The following CSGALNACT1 variants were observed in gnomAD, a reference collection of about 807,000 sequenced individuals.
The protein encoded by CSGALNACT1 is beta4GalNAcT-1.
In CSGALNACT1, 52 loss-of-function variants were observed where a neutral mutation model predicts 51.0. The observed-to-expected ratio is 1.02, with a 90% CI of 0.82 to 1.29. CSGALNACT1 has a LOEUF of 1.29. Ranked by LOEUF, CSGALNACT1 falls within the 50% of genes most tolerant of loss-of-function variation. The probability of loss-of-function intolerance (pLI) is 0.00; values close to 1 mark genes in which losing one functional copy is unlikely to be tolerated. For missense variants in CSGALNACT1, 935 were observed against 679.2 expected, an observed-to-expected ratio of 1.38 and a Z score of -4.19; for synonymous variants, 341 against 254.4, an observed-to-expected ratio of 1.34 and a Z score of -3.24.
intron 8 of CSGALNACT1, among the ~76,000 whole-genome samples, chr8:19,417,869 T>C (rs1400034188): frequency 3.3e-5 from 5 of 152,284 alleles, no homozygotes; most frequent in African/African-American, 4.8e-5. Flanking sequence ...ATTCCATCCA[T>C]GGGGGCCATG....
intron 4 of CSGALNACT1, among the ~76,000 whole-genome samples, chr8:19,491,982 G>T (rs1254032377): frequency 6.6e-6 from 1 of 152,198 alleles, no homozygotes; most frequent in Non-Finnish European, 1.5e-5. Flanking sequence ...GAAGGCCAAA[G>T]TACACTCTGT....
intron 4 of CSGALNACT1, among the ~76,000 whole-genome samples, chr8:19,477,151 G>C (rs983178507): frequency 2.0e-5 from 3 of 152,328 alleles, no homozygotes; most frequent in South Asian, 4.1e-4. Context: ...ATGCTATGCT[G>C]TCCATCAAGA....
chr8:19,552,943 C>T (rs941117612), intron 3 of CSGALNACT1, among the ~76,000 whole-genome samples: 1 of 152,120 alleles, frequency 6.6e-6, no homozygotes, highest in Admixed American at 6.6e-5. Flanking sequence ...GCAGGGAAGA[C>T]TGTGCTCAGG....
At chr8:19,646,729 T>A (rs1453782192) in intron 1 of CSGALNACT1, among the ~76,000 whole-genome samples, 1 of 152,142 alleles carries the variant, frequency 6.6e-6, no homozygotes, top group African/African-American at 2.4e-5. Flanking sequence ...AAGGGGTCTA[T>A]AAATATCCAT....
chr8:19,525,499 C>T (rs540391817), intron 3 of CSGALNACT1, among the ~76,000 whole-genome samples: 3 of 151,280 alleles, frequency 2.0e-5, no homozygotes, highest in East Asian at 1.9e-4. Flanking sequence ...TGTCTATAGT[C>T]CCTGCTACTC....
chr8:19,683,101 A>C, upstream of CSGALNACT1: 1 of 222,336 alleles, frequency 4.5e-6, no homozygotes, highest in Non-Finnish European at 9.2e-6. Flanking sequence ...ATCACAGGAC[A>C]TAATGGAATG....
chr8:19,468,766 G>C (rs928459277), intron 4 of CSGALNACT1, among the ~76,000 whole-genome samples: 26 of 152,134 alleles, frequency 1.7e-4, no homozygotes, highest in African/African-American at 5.8e-4. Flanking sequence ...GATTTGAAGA[G>C]GTGTATGAGT....
chr8:19,442,657 C>G (rs1424039908), intron 5 of CSGALNACT1, among the ~76,000 whole-genome samples: 2 of 148,218 alleles, frequency 1.3e-5, no homozygotes, highest in Admixed American at 1.4e-4. Flanking sequence ...CAACATGGCA[C>G]ATGTATACAT....
intron 1 of CSGALNACT1, among the ~76,000 whole-genome samples, chr8:19,630,360 AC>A (rs1031873655): frequency 2.0e-5 from 3 of 152,162 alleles, no homozygotes; most frequent in Non-Finnish European, 4.4e-5. Context: ...TTTTAGACTT[AC>A]AGGAGAAGTG....
At position 19,593,547 on chromosome 8, in the gene CSGALNACT1, G is replaced by C. The variant is rs191555757; in HGVS notation, c.-415-2269C>G. On this transcript the variant is annotated intron_variant, in intron 2 of 9. Coordinates refer to ENST00000454498, the Ensembl canonical transcript of CSGALNACT1. ...CTAGGGCCATCTGCAGGTTCTAGATGACCCTTTGCATGCTGGGAAGCCCCA... is the reference window on the plus strand; with the variant it reads ...CTAGGGCCATCTGCAGGTTCTAGATCACCCTTTGCATGCTGGGAAGCCCCA... Among the ~76,000 whole-genome samples, 507 of 152,254 alleles carry C rather than the reference G, an allele frequency of 3.3e-3. 6 individuals are homozygous for C. The highest frequency in any genetic ancestry group is 5.2e-3 in the Non-Finnish European group (356 of 68,022).
intron 3 of CSGALNACT1, among the ~76,000 whole-genome samples, chr8:19,512,168 C>T (rs1363299317): frequency 6.6e-6 from 1 of 152,176 alleles, no homozygotes; most frequent in Non-Finnish European, 1.5e-5. Flanking sequence ...GCCCTCTCTC[C>T]CAAGCAAGCT....
chr8:19,715,771 G>A (rs1380886150), intron 1 of CSGALNACT1, among the ~76,000 whole-genome samples: 3 of 152,074 alleles, frequency 2.0e-5, no homozygotes, highest in Admixed American at 1.3e-4. Flanking sequence ...AAGGGTTTGA[G>A]TTGATCTAAC....
intron 1 of CSGALNACT1, among the ~76,000 whole-genome samples, chr8:19,742,269 T>G (rs536712567): frequency 6.6e-6 from 1 of 152,322 alleles, no homozygotes; most frequent in Admixed American, 6.5e-5. Flanking sequence ...TGGCAGCTGG[T>G]CTAACCCAGA....
chr8:19,730,065 A>C (rs2063606886), intron 1 of CSGALNACT1, among the ~76,000 whole-genome samples: 1 of 152,196 alleles, frequency 6.6e-6, no homozygotes, highest in Non-Finnish European at 1.5e-5. Flanking sequence ...AGACCTTTAC[A>C]ATCTTACTGA....
intron 3 of CSGALNACT1, among the ~76,000 whole-genome samples, chr8:19,520,679 TA>T (rs1164518215): frequency 6.6e-6 from 1 of 152,376 alleles, no homozygotes; most frequent in East Asian, 1.9e-4. Flanking sequence ...ATTCCACTAA[TA>T]TGTTCCCTCT....
At chr8:19,412,434 T>C (rs2055999596) in intron 8 of CSGALNACT1, among the ~76,000 whole-genome samples, 1 of 152,232 alleles carries the variant, frequency 6.6e-6, no homozygotes, top group South Asian at 2.1e-4. Context: ...GCTGGGGCCG[T>C]GGTCAGTGCC....
At chr8:19,592,303 A>T (rs374319979) in intron 2 of CSGALNACT1, among the ~76,000 whole-genome samples, 6 of 152,346 alleles carry the variant, frequency 3.9e-5, no homozygotes, top group African/African-American at 1.2e-4. Flanking sequence ...CTTTTGTTAT[A>T]TAAGAAAATA....
chr8:19,661,937 T>C (rs1340253174), intron 1 of CSGALNACT1, among the ~76,000 whole-genome samples: 1 of 152,136 alleles, frequency 6.6e-6, no homozygotes, highest in Non-Finnish European at 1.5e-5. Context: ...TAGTTCAAGA[T>C]TTGGTGAAGC....
At chr8:19,582,600 C>T (rs193086473) in intron 3 of CSGALNACT1, among the ~76,000 whole-genome samples, 3 of 152,250 alleles carry the variant, frequency 2.0e-5, no homozygotes, top group African/African-American at 7.2e-5. Context: ...ACACATGACC[C>T]AGTCAAAGCC....
Sources: allele counts gnomAD v4.1 joint callset (sites outside exome capture counted in the v4.1 genomes callset), GRCh38; gene constraint gnomAD v4.1.1; transcripts MANE v1.5; gene names NCBI Gene and HGNC (gene_info 2026-07-23, HGNC 2026-07-21).